GLT1D1: variants seen among roughly 807,000 people sequenced by gnomAD.
The protein encoded by GLT1D1 is glycosyltransferase 1 domain-containing protein 1.
Under a neutral mutation model 28.7 loss-of-function variants are expected in GLT1D1, and 21 were observed. The ratio of observed to expected loss-of-function variants is 0.73; its 90% CI spans 0.52 to 1.05. The LOEUF is 1.05. Among genes scored for constraint, GLT1D1 ranks in the 50% least tolerant of loss-of-function variants. The pLI is 0.00. For synonymous variants in GLT1D1, 147 were observed against 124.8 expected (o/e 1.18, Z -1.19); for missense variants, 343 against 330.6 (o/e 1.04, Z -0.29).
chr12:128,909,984 C>T (rs1298501217), intron 4 of GLT1D1, among the ~76,000 whole-genome samples: 1 of 152,264 alleles, frequency 6.6e-6, no homozygotes, highest in Non-Finnish European at 1.5e-5. Context: ...GTTACACTTT[C>T]ATATAGAAAA....
intron 5 of GLT1D1, among the ~76,000 whole-genome samples, chr12:128,947,105 T>C (rs1876205470): frequency 6.6e-6 from 1 of 152,222 alleles, no homozygotes; most frequent in African/African-American, 2.4e-5. Flanking sequence ...GGTGTCTTTA[T>C]GGAGCATATG....
Position 128,973,179 on chromosome 12 carries a change from G to GTTTTTTTTTTTTTTTTTTTTT in GLT1D1, c.640-9743_640-9723dup, listed in dbSNP as rs61169176. Among the ~76,000 whole-genome samples, 208 of 50,986 alleles carry GTTTTTTTTTTTTTTTTTTTTT rather than the reference G, an allele frequency of 4.1e-3. 37 individuals are homozygous for GTTTTTTTTTTTTTTTTTTTTT. Among genetic ancestry groups the GTTTTTTTTTTTTTTTTTTTTT allele is most frequent in the Non-Finnish European group, 6.5e-3 (161 of 24,890 alleles). The allele number at this position is 50,986 out of a possible 152,430, so 33.4% of individuals were successfully genotyped here. On this transcript the variant is annotated intron_variant, in intron 7 of 7. Transcript: ENST00000281703. Reference sequence around the variant, plus strand: ...CTTTTCTGTTTTGTTTGTTTGCTTGGTTTTTTTTTTTTTTTTTTTTTTTTT... The same window carrying GTTTTTTTTTTTTTTTTTTTTT: ...CTTTTCTGTTTTGTTTGTTTGCTTGGTTTTTTTTTTTTTTTTTTTTTTTTTTTTTTTTTTTTTTTTTTTTTT...
intron 4 of GLT1D1, among the ~76,000 whole-genome samples, chr12:128,939,655 C>A (rs777524627): frequency 2.6e-5 from 4 of 152,022 alleles, no homozygotes; most frequent in Non-Finnish European, 4.4e-5. Context: ...AGAAGCACAG[C>A]CAGGGAATGC....
intron 4 of GLT1D1, among the ~76,000 whole-genome samples, chr12:128,910,604 C>T (rs765720470): frequency 5.9e-5 from 9 of 151,900 alleles, no homozygotes; most frequent in Non-Finnish European, 8.8e-5. Context: ...TTCCAGCTTT[C>T]CAGGGAAATT....
chr12:128,930,129 G>T (rs147131621), intron 4 of GLT1D1: 1 of 152,244 alleles, frequency 6.6e-6, no homozygotes, highest in South Asian at 2.1e-4. Flanking sequence ...TAGCATTGTA[G>T]TAGTAACAAG....
intron 2 of GLT1D1, among the ~76,000 whole-genome samples, chr12:128,883,020 T>C (rs1446183164): frequency 1.3e-5 from 2 of 151,254 alleles, no homozygotes; most frequent in Admixed American, 1.3e-4. Flanking sequence ...CTGACTCCCC[T>C]GGTTCAAGCA....
chr12:128,954,247 G>A lies in GLT1D1; in HGVS notation c.541-3298G>A, dbSNP rs1253260598. ...CGCCATTCTCCTGCCTCAGCCTCCT[G>A]AGTAGCTGGGACTACAGGCACCCAC... On this transcript the variant is annotated intron_variant, in intron 6 of 7. Coordinates refer to ENST00000281703, the MANE Select transcript of GLT1D1 (RefSeq NM_144669.3). Among the ~76,000 whole-genome samples the A allele has an allele frequency of 2.0e-5, 3 of 150,668 alleles. No individual in the cohort carries two copies. The East Asian group carries it at 5.8e-4, about 29-fold the overall frequency.
At chr12:128,865,850 C>A (rs1418490472) in intron 1 of GLT1D1, among the ~76,000 whole-genome samples, 1 of 151,914 alleles carries the variant, frequency 6.6e-6, no homozygotes, top group Admixed American at 6.6e-5. Flanking sequence ...AACAAAAAAA[C>A]CCAAAAAACC....
intron 1 of GLT1D1, among the ~76,000 whole-genome samples, chr12:128,872,392 TGA>T (rs1956713710): frequency 6.6e-6 from 1 of 152,154 alleles, no homozygotes; most frequent in Non-Finnish European, 1.5e-5. Context: ...ATGGGAATTT[TGA>T]GAGACTGTGG....
intron 7 of GLT1D1, among the ~76,000 whole-genome samples, chr12:128,978,760 C>T (rs186339755): frequency 2.1e-4 from 32 of 152,176 alleles, no homozygotes; most frequent in African/African-American, 7.2e-4. Context: ...CCGTGAGGGC[C>T]GCTGTTTGCC....
intron 1 of GLT1D1, among the ~76,000 whole-genome samples, chr12:128,864,362 A>G (rs1194336908): frequency 6.6e-6 from 1 of 152,028 alleles, no homozygotes; most frequent in Non-Finnish European, 1.5e-5. Context: ...CCGGAAATCC[A>G]GAAAACTTAG....
At chr12:128,944,377 A>C in intron 4 of GLT1D1, 1 of 997,796 alleles carries the variant, frequency 1.0e-6, no homozygotes, top group Non-Finnish European at 1.6e-6. Context: ...TGTTTCCAAC[A>C]CCGCTTTTTT....
rs1880499264 is a variant in GLT1D1 at position 128,983,131 on chromosome 12, T to G, written c.*41T>G. ...AGACACCTGCTCTCTGACACACAGC[T>G]CTGGGTGCACACTCAGAGACAGAGT... On this transcript the variant is annotated 3_prime_UTR_variant, in exon 8 of 8. Transcript: ENST00000281703. The surrounding 1 kb of genome is among the most constrained non-coding windows in gnomAD (Gnocchi z 4.7). 3 of 1,582,626 alleles carry G rather than the reference T, an allele frequency of 1.9e-6. No homozygotes were observed. The highest frequency in any genetic ancestry group is 3.4e-5 in the Admixed American group (2 of 59,594).
rs186050066 is a variant in GLT1D1 at position 128,978,088 on chromosome 12, G to A, written c.640-4841G>A. ...GCATGAGTCCCCGCACCCGGCCTGT[G>A]AGTTATTTTCATAAATAATTTTCAA... On this transcript the variant is annotated intron_variant, in intron 7 of 7. Coordinates refer to ENST00000281703, the MANE Select transcript of GLT1D1 (RefSeq NM_144669.3). Among the ~76,000 whole-genome samples, 564 of 151,848 alleles carry A rather than the reference G, an allele frequency of 3.7e-3. 2 individuals are homozygous for A. The highest frequency in any genetic ancestry group is 6.4e-3 in the Non-Finnish European group (437 of 67,964).
At chr12:128,970,650 G>T (rs1332175732) in intron 7 of GLT1D1, among the ~76,000 whole-genome samples, 1 of 152,256 alleles carries the variant, frequency 6.6e-6, no homozygotes, top group African/African-American at 2.4e-5. Context: ...CGGCACCTGA[G>T]CTTTGCTCAC....
intron 1 of GLT1D1, among the ~76,000 whole-genome samples, chr12:128,874,601 T>C (rs576561): frequency 0.28 from 41,792 of 151,216 alleles, 6,636 homozygotes; most frequent in African/African-American, 0.43. Flanking sequence ...CCCATCTCAG[T>C]CTCCCAAGTA....
At chr12:128,940,678 G>A (rs1404672267) in intron 4 of GLT1D1, among the ~76,000 whole-genome samples, 5 of 152,286 alleles carry the variant, frequency 3.3e-5, no homozygotes, top group East Asian at 3.9e-4. Context: ...GCAACAGGAC[G>A]GAAATAGTCC....
intron 4 of GLT1D1, among the ~76,000 whole-genome samples, chr12:128,937,963 C>T (rs137890801): frequency 5.3e-5 from 8 of 152,220 alleles, no homozygotes; most frequent in Non-Finnish European, 1.2e-4. Context: ...AATACGGACA[C>T]GGTTGGGGTA....
intron 1 of GLT1D1, among the ~76,000 whole-genome samples, chr12:128,873,836 T>C (rs1292110662): frequency 6.8e-6 from 1 of 146,054 alleles, no homozygotes; most frequent in Non-Finnish European, 1.5e-5. Flanking sequence ...TCCCCCTTCC[T>C]TCCTTCCCTC....
Sources: allele counts gnomAD v4.1 joint callset (sites outside exome capture counted in the v4.1 genomes callset), GRCh38; gene constraint gnomAD v4.1.1; non-coding constraint Gnocchi (gnomAD v3.1); transcripts MANE v1.5; gene names NCBI Gene and HGNC (gene_info 2026-07-23, HGNC 2026-07-21).